The following SNX29 variants were observed in gnomAD, a reference collection of about 807,000 sequenced individuals.
The protein encoded by SNX29 is sorting nexin-29.
In SNX29, 78 loss-of-function variants were observed where a neutral mutation model predicts 102.1. The ratio of observed to expected loss-of-function variants is 0.76; its 90% CI spans 0.64 to 0.92. SNX29 has a LOEUF of 0.92. Ranked by LOEUF, SNX29 falls within the 40% of genes least tolerant of loss-of-function variation. SNX29 has a pLI of 0.00. For missense variants in SNX29, 1,280 were observed against 1,061.7 expected (o/e 1.21, Z -2.86); for synonymous variants, 580 against 414.5 (o/e 1.40, Z -4.85).
chr16:12,546,012 GAAAACAA>G (rs1413151204), intron 20 of SNX29, among the ~76,000 whole-genome samples: 6 of 152,084 alleles, frequency 3.9e-5, no homozygotes, highest in East Asian at 3.9e-4. Flanking sequence ...GCCAAAAACA[GAAAACAA>G]AAAAACCCAC....
chr16:12,524,758 C>T lies in SNX29; in HGVS notation c.2235C>T (p.Val745=), dbSNP rs915854931. Residue 745 remains valine (V), a synonymous_variant, in exon 20 of 21, where the codon GTC becomes GTT. Coordinates refer to ENST00000566228, the MANE Select transcript of SNX29 (RefSeq NM_032167.5). ...AGCTCCAGAATTACCTGCGCAGCGT[C>T]ATGAACAAAGTCATCCAGATGGTCC... ...RKQLQNYLRS[V]MNKVIQMVPE... is the part of the protein sequence containing the mutation. The T allele has an allele frequency of 5.0e-6, 8 of 1,613,702 alleles. No individual in the cohort carries two copies. In the African/African-American group the frequency reaches 6.7e-5, roughly 13 times the overall value.
At chr16:12,023,385 T>C (rs1316102767) in intron 3 of SNX29, among the ~76,000 whole-genome samples, 2 of 130,354 alleles carry the variant, frequency 1.5e-5, no homozygotes, top group African/African-American at 2.9e-5. Flanking sequence ...CCCAGCCCTC[T>C]CAACAAAGTG....
chr16:12,470,599 A>G (rs997606628), intron 18 of SNX29, among the ~76,000 whole-genome samples: 1 of 152,044 alleles, frequency 6.6e-6, no homozygotes, highest in Non-Finnish European at 1.5e-5. Flanking sequence ...CCCACTCGAG[A>G]AGGTCATTTC....
At chr16:12,514,190 T>G (rs963198855) in intron 19 of SNX29, among the ~76,000 whole-genome samples, 6 of 152,210 alleles carry the variant, frequency 3.9e-5, no homozygotes, top group Non-Finnish European at 8.8e-5. Context: ...TTTTTAAAAT[T>G]GAAGACTCAG....
At chr16:12,561,813 G>A (rs1047645356) in intron 20 of SNX29, among the ~76,000 whole-genome samples, 5 of 152,108 alleles carry the variant, frequency 3.3e-5, no homozygotes, top group African/African-American at 4.8e-5. Context: ...GCTCATTACC[G>A]CAGCTTACAT....
intron 13 of SNX29, among the ~76,000 whole-genome samples, chr16:12,147,893 T>C (rs1234169721): frequency 6.6e-6 from 1 of 152,136 alleles, no homozygotes; most frequent in Non-Finnish European, 1.5e-5. Flanking sequence ...TCTTTTTATT[T>C]TGGAGCCTGG....
intron 14 of SNX29, among the ~76,000 whole-genome samples, chr16:12,267,830 C>G (rs1025777754): frequency 1.3e-5 from 2 of 152,122 alleles, no homozygotes; most frequent in Non-Finnish European, 2.9e-5. Flanking sequence ...CCAATCATCG[C>G]ACTTCTTCTG....
chr16:12,560,387 G>T (rs373558432), intron 20 of SNX29, among the ~76,000 whole-genome samples: 1 of 152,126 alleles, frequency 6.6e-6, no homozygotes, highest in African/African-American at 2.4e-5. Context: ...AGTATTTTGA[G>T]TTCTTTAATC....
chr16:12,185,523 G>T, intron 13 of SNX29, among the ~76,000 whole-genome samples: 1 of 152,164 alleles, frequency 6.6e-6, no homozygotes, highest in East Asian at 1.9e-4. Context: ...AGTGGGGTGT[G>T]GTTCTCCTGT....
At chr16:12,302,160 A>C (rs373248768) in intron 15 of SNX29, among the ~76,000 whole-genome samples, 1 of 152,162 alleles carries the variant, frequency 6.6e-6, no homozygotes, top group East Asian at 1.9e-4. Flanking sequence ...CAGAGGGTGG[A>C]TGTGTTGGTG....
chr16:12,155,985 T>C (rs2141624436), intron 13 of SNX29, among the ~76,000 whole-genome samples: 1 of 152,276 alleles, frequency 6.6e-6, no homozygotes, highest in Middle Eastern at 3.4e-3. Flanking sequence ...GCTCCCATCA[T>C]CTCTCTCTGC....
chr16:12,545,026 A>C (rs1472902937), intron 20 of SNX29, among the ~76,000 whole-genome samples: 1 of 152,194 alleles, frequency 6.6e-6, no homozygotes, highest in Non-Finnish European at 1.5e-5. Flanking sequence ...TGTCGGCTTC[A>C]GTAGCCAGGT....
chr16:12,138,941 G>A (rs971653655), intron 13 of SNX29, among the ~76,000 whole-genome samples: 3 of 152,030 alleles, frequency 2.0e-5, no homozygotes, highest in Non-Finnish European at 4.4e-5. Flanking sequence ...GGTGGCTCAC[G>A]CCTGTAATCC....
intron 18 of SNX29, among the ~76,000 whole-genome samples, chr16:12,434,831 C>A (rs571802314): frequency 1.3e-5 from 2 of 152,170 alleles, no homozygotes; most frequent in Non-Finnish European, 2.9e-5. Flanking sequence ...GGCCTGACAT[C>A]TAGCATGGGA....
chr16:12,012,378 G>C (rs2056683419), intron 3 of SNX29, among the ~76,000 whole-genome samples: 1 of 152,066 alleles, frequency 6.6e-6, no homozygotes, highest in Non-Finnish European at 1.5e-5. Context: ...GGAAGTATTG[G>C]AATGCCATCA....
chr16:12,185,541 G>A (rs989745843), intron 13 of SNX29, among the ~76,000 whole-genome samples: 1 of 152,104 alleles, frequency 6.6e-6, no homozygotes, highest in Non-Finnish European at 1.5e-5. Context: ...TGTTGGATAC[G>A]TGGTGATGGT....
Position 12,349,973 on chromosome 16 carries a change from C to T in SNX29, c.1783-6190C>T, listed in dbSNP as rs2081949480. ...TAGAAAAACCCTGAAGCTCCTGTTT[C>T]ACAGCAATATGAAATTGCTTGAAAC... On this transcript the variant is annotated intron_variant, in intron 15 of 20. Transcript: ENST00000566228. 4.6e-5 allele frequency among the ~76,000 whole-genome samples: 7 copies of T among 152,346 alleles called. 1 individual carries two copies. The South Asian group carries it at 1.0e-3, about 23-fold the overall frequency.
At chr16:12,213,915 C>G (rs1235365702) in intron 14 of SNX29, among the ~76,000 whole-genome samples, 3 of 152,168 alleles carry the variant, frequency 2.0e-5, no homozygotes, top group Non-Finnish European at 4.4e-5. Flanking sequence ...CCTGCTGCTT[C>G]TGGTGGCCTT....
Position 12,147,094 on chromosome 16 carries a change from A to G in SNX29, c.1595+17336A>G, listed in dbSNP as rs781213541. ...GACGAACTCAACTTTTTAGGGAGCA[A>G]GCAGCAAGGTATATTTGCATGAACA... is the stretch of plus-strand genomic sequence containing the variant. On this transcript the variant is annotated intron_variant, in intron 13 of 20. Transcript: ENST00000566228. Among the ~76,000 whole-genome samples the G allele has an allele frequency of 1.3e-5, 2 of 152,234 alleles. 1 individual carries two copies. Among genetic ancestry groups the G allele is most frequent in the Admixed American group, 1.3e-4 (2 of 15,280 alleles).
Sources: gnomAD v4.1 joint callset for allele counts (sites outside exome capture counted in the v4.1 genomes callset) on GRCh38, gnomAD v4.1.1 for gene constraint, MANE v1.5 for transcripts, NCBI Gene and HGNC (gene_info 2026-07-23, HGNC 2026-07-21) for gene names.